The following SHTN1 variants were observed in gnomAD, a reference collection of about 807,000 sequenced individuals.
SHTN1 encodes shootin 1, also known as shootin-1.
In SHTN1, 42 loss-of-function variants were observed where a neutral mutation model predicts 83.1. The ratio of observed to expected loss-of-function variants is 0.51; its 90% CI spans 0.39 to 0.65. The LOEUF (loss-of-function observed/expected upper bound fraction) is 0.65, where lower values mean the gene tolerates loss of function less well. Ranked by LOEUF, SHTN1 falls within the 30% of genes least tolerant of loss-of-function variation. The pLI is 0.00. For synonymous variants in SHTN1, 224 were observed against 247.7 expected, an observed-to-expected ratio of 0.90 and a Z score of 0.90; for missense variants, 622 against 737.8, an observed-to-expected ratio of 0.84 and a Z score of 1.82.
intron 16 of SHTN1, among the ~76,000 whole-genome samples, chr10:116,891,750 A>C (rs1438713404): frequency 1.3e-5 from 2 of 152,028 alleles, no homozygotes; most frequent in Non-Finnish European, 2.9e-5. Context: ...ACAAATTTTT[A>C]ATACACTTGT....
At position 116,918,368 on chromosome 10, in the gene SHTN1, A is replaced by T. The variant is rs546868424; in HGVS notation, c.1196-2884T>A. 2.6e-5 allele frequency among the ~76,000 whole-genome samples: 4 copies of T among 152,090 alleles called. No individual in the cohort carries two copies. In the East Asian group the frequency reaches 7.7e-4, roughly 29 times the overall value. On this transcript the variant is annotated intron_variant, in intron 12 of 16. Coordinates refer to ENST00000355371, the MANE Select transcript of SHTN1 (RefSeq NM_001127211.3). The stretch of plus-strand genomic sequence containing the variant: ...CCACAGACAAGACCATCATCTTATT[A>T]CTAAATAAAACCTTCTGCTATTACC...
chr10:116,959,333 C>T (rs1401272845), intron 4 of SHTN1, among the ~76,000 whole-genome samples: 1 of 152,060 alleles, frequency 6.6e-6, no homozygotes, highest in Non-Finnish European at 1.5e-5. Context: ...TAAGCAAATA[C>T]CTCTAGGAAG....
chr10:116,919,916 T>G (rs774875739), intron 12 of SHTN1, among the ~76,000 whole-genome samples: 7 of 151,994 alleles, frequency 4.6e-5, no homozygotes, highest in Non-Finnish European at 7.4e-5. Flanking sequence ...AGATTCCTGC[T>G]AAGAGAGAAA....
chr10:117,045,142 C>A (rs1280576743), intron 2 of SHTN1, among the ~76,000 whole-genome samples: 2 of 152,106 alleles, frequency 1.3e-5, no homozygotes, highest in Admixed American at 6.6e-5. Flanking sequence ...TCACAACATT[C>A]ATTTATGGAG....
chr10:116,958,700 G>A (rs1850070991), intron 4 of SHTN1, among the ~76,000 whole-genome samples: 1 of 152,064 alleles, frequency 6.6e-6, no homozygotes, highest in Admixed American at 6.5e-5. Flanking sequence ...TAAATAAAAG[G>A]GGAGACAGAA....
At chr10:116,990,276 CTTTTTT>C (rs1291880258) in intron 1 of SHTN1, among the ~76,000 whole-genome samples, 2 of 117,198 alleles carry the variant, frequency 1.7e-5, no homozygotes, top group Admixed American at 1.0e-4. Context: ...TTTTCTTTTT[CTTTTTT>C]CTTTCTTTTT....
In SHTN1 at chr10:116,884,011, A is replaced by G. The variant is rs1032850517; in HGVS notation, c.*2333T>C. On this transcript the variant is annotated 3_prime_UTR_variant, in exon 17 of 17. Transcript: ENST00000355371. ...CACTCGGGCTATAAAATGCATCAAC[A>G]TTCGTTTTTCTTAAAGAAAAAAAAT... is the stretch of plus-strand genomic sequence containing the variant. 2.2e-5 allele frequency: 5 copies of G among 230,468 alleles called. No homozygotes were observed. The highest frequency in any genetic ancestry group is 1.2e-4 in the African/African-American group (5 of 42,930). The allele number at this position is 230,468 out of a possible 1,614,324, so 14.3% of individuals were successfully genotyped here. A position where few individuals can be genotyped will look rare whatever the true frequency, so the allele number is the denominator to read the frequency against.
At chr10:117,097,553 G>C (rs2133625413) in intron 1 of SHTN1, among the ~76,000 whole-genome samples, 1 of 152,290 alleles carries the variant, frequency 6.6e-6, no homozygotes, top group South Asian at 2.1e-4. Context: ...TGGGGTTTTG[G>C]ATTTTTTGAC....
chr10:116,889,313 G>A (rs1372858217), intron 16 of SHTN1, among the ~76,000 whole-genome samples: 1 of 152,210 alleles, frequency 6.6e-6, no homozygotes, highest in East Asian at 1.9e-4. Context: ...TCCTGGAATT[G>A]TCTCAGTCCA....
chr10:116,997,062 C>T lies in SHTN1; in HGVS notation c.58+7960G>A, dbSNP rs1168442239. Among the ~76,000 whole-genome samples the T allele has an allele frequency of 2.0e-5, 3 of 152,304 alleles. No homozygotes were observed. In the South Asian group the frequency reaches 6.2e-4, roughly 32 times the overall value. ...CCTCTGTCTGCCTAAAAGCAGGACA[C>T]AGAATTACAAAGACAAGAGGTCTAT... On this transcript the variant is annotated intron_variant, in intron 1 of 16. Transcript: ENST00000355371.
intron 13 of SHTN1, among the ~76,000 whole-genome samples, chr10:116,913,844 G>A (rs1174736789): frequency 1.3e-5 from 2 of 152,092 alleles, no homozygotes; most frequent in Non-Finnish European, 2.9e-5. Flanking sequence ...GGGGAAGCTG[G>A]GTGACAGTGC....
At chr10:116,989,538 T>C (rs1851343813) in intron 1 of SHTN1, among the ~76,000 whole-genome samples, 1 of 152,162 alleles carries the variant, frequency 6.6e-6, no homozygotes, top group Non-Finnish European at 1.5e-5. Context: ...GGTCTTTCTA[T>C]CCTCCCCCTC....
At chr10:116,974,301 A>G (rs1356283997) in intron 2 of SHTN1, 1 of 193,494 alleles carries the variant, frequency 5.2e-6, no homozygotes, top group Non-Finnish European at 9.6e-6. Flanking sequence ...ACCACTTGCC[A>G]CTCTGTCTCA....
intron 1 of SHTN1, among the ~76,000 whole-genome samples, chr10:117,004,269 G>C (rs1851929387): frequency 6.6e-6 from 1 of 152,144 alleles, no homozygotes; most frequent in Non-Finnish European, 1.5e-5. Context: ...TGATAGGTTA[G>C]CATTTGGTTG....
chr10:116,886,790 G>A (rs2133294992), intron 16 of SHTN1, among the ~76,000 whole-genome samples: 1 of 152,318 alleles, frequency 6.6e-6, no homozygotes, highest in East Asian at 1.9e-4. Flanking sequence ...GGCAGAGAAA[G>A]AGCGATTAAC....
chr10:117,023,311 T>C (rs1852288616), intron 2 of SHTN1, among the ~76,000 whole-genome samples: 1 of 152,214 alleles, frequency 6.6e-6, no homozygotes, highest in African/African-American at 2.4e-5. Flanking sequence ...ATCATTCCCA[T>C]GGTCCCAAAT....
At chr10:117,006,972 T>C (rs1173885136), upstream of SHTN1, among the ~76,000 whole-genome samples, 1 of 152,080 alleles carries the variant, frequency 6.6e-6, no homozygotes, top group Non-Finnish European at 1.5e-5. Flanking sequence ...TACTTTAGCA[T>C]GAGTGATTTA....
intron 7 of SHTN1, 117 bp downstream of exon 7, chr10:116,948,799 T>C (rs1383908011): frequency 1.0e-5 from 5 of 486,326 alleles, no homozygotes; most frequent in Non-Finnish European, 1.5e-5. Flanking sequence ...AAAATCACAA[T>C]ATAGGAGAAG....
Position 116,886,427 on chromosome 10 carries a change from T to C in SHTN1, c.1813A>G (p.Lys605Glu), listed in dbSNP as rs1199276116. The C allele has an allele frequency of 1.9e-6, 3 of 1,607,930 alleles. No individual in the cohort carries two copies. The highest frequency in any genetic ancestry group is 2.2e-5 in the East Asian group (1 of 44,806). ...QVAEKDPTQH[K>E]EDEGEIQPEN... ...GGTTGAATTTCGCCTTCATCCTCCT[T>C]GTGTTGAGTTGGATCTTTTTCAGCA... Residue 605 changes from lysine to glutamate, a missense_variant, in exon 17 of 17, where the codon AAG becomes GAG. Lys to Glu is a moderately conservative substitution (Grantham distance 56). Transcript: ENST00000355371.
Sources: allele counts gnomAD v4.1 joint callset (sites outside exome capture counted in the v4.1 genomes callset), GRCh38; gene constraint gnomAD v4.1.1; transcripts MANE v1.5; gene names NCBI Gene and HGNC (gene_info 2026-07-23, HGNC 2026-07-21).